CENPP: variants seen among roughly 807,000 people sequenced by gnomAD.
CENPP encodes the protein centromere protein P.
Under a neutral mutation model 35.6 loss-of-function variants are expected in CENPP, and 24 were observed. The ratio of observed to expected loss-of-function variants is 0.67; its 90% confidence interval spans 0.49 to 0.95. The LOEUF is 0.95. Ranked by LOEUF, CENPP falls within the 40% of genes least tolerant of loss-of-function variation. CENPP has a pLI of 0.00. For missense variants in CENPP, 332 were observed against 345.3 expected (o/e 0.96, Z 0.31); for synonymous variants, 120 against 125.5 (o/e 0.96, Z 0.29).
rs375622311 is a variant in CENPP at position 92,482,864 on chromosome 9, T to C, written c.564+103005T>C. Among the ~76,000 whole-genome samples the C allele has an allele frequency of 2.6e-5, 4 of 152,322 alleles. No individual in the cohort carries two copies. The East Asian group carries it at 5.8e-4, about 22-fold the overall frequency. ...ACCTGAGAAAGAACCATACTTTTTT[T>C]TTCTTCTAATGACTGTAGCTATTGC... On this transcript the variant is annotated intron_variant, in intron 5 of 7. Coordinates refer to ENST00000375587, the MANE Select transcript of CENPP (RefSeq NM_001012267.3).
intron 5 of CENPP, chr9:92,414,834 T>G (rs1843540821): frequency 4.1e-6 from 1 of 246,320 alleles, no homozygotes; most frequent in East Asian, 6.3e-5. Context: ...TTAGAAAAAT[T>G]ACTGTTAATA....
At chr9:92,462,111 G>A (rs1424337303) in intron 5 of CENPP, among the ~76,000 whole-genome samples, 1 of 152,102 alleles carries the variant, frequency 6.6e-6, no homozygotes, top group Non-Finnish European at 1.5e-5. Flanking sequence ...CCAAGTAGCT[G>A]GGACTACAGG....
chr9:92,439,977 C>CCCATGGACAA (rs1272638913), intron 5 of CENPP, among the ~76,000 whole-genome samples: 1 of 152,132 alleles, frequency 6.6e-6, no homozygotes, highest in African/African-American at 2.4e-5. Context: ...ATTTGAGTTA[C>CCCATGGACAA]CCATGGTCAA....
intron 5 of CENPP, among the ~76,000 whole-genome samples, chr9:92,535,715 A>AAATTCC (rs1849128636): frequency 6.6e-6 from 1 of 152,128 alleles, no homozygotes; most frequent in Admixed American, 6.5e-5. Flanking sequence ...ATTCCACCTA[A>AAATTCC]ACATATAAAA....
At chr9:92,405,479 A>T (rs1274077318) in intron 5 of CENPP, among the ~76,000 whole-genome samples, 5 of 152,202 alleles carry the variant, frequency 3.3e-5, no homozygotes, top group Non-Finnish European at 7.4e-5. Context: ...GCTTAAATAA[A>T]CTAAGACTTG....
Position 92,619,614 on chromosome 9 carries a change from C to A in CENPP, c.*6465C>A. 4 of 1,474,718 alleles carry A rather than the reference C, an allele frequency of 2.7e-6. No homozygotes were observed. The highest frequency in any genetic ancestry group is 2.4e-5 in the East Asian group (1 of 40,834). The allele number at this position is 1,474,718 out of a possible 1,614,324, so 91.4% of individuals were successfully genotyped here. A position where few individuals can be genotyped will look rare whatever the true frequency, so the allele number is the denominator to read the frequency against. ...TCCAGGTCACACAGGAAGCCTCTGC[C>A]CCCCCACACAACCTTCCTTCCCAGT... On this transcript the variant is annotated 3_prime_UTR_variant, in exon 8 of 8. Coordinates refer to ENST00000375587, the MANE Select transcript of CENPP (RefSeq NM_001012267.3).
intron 4 of CENPP, among the ~76,000 whole-genome samples, chr9:92,368,580 A>G (rs976027286): frequency 6.6e-6 from 1 of 151,990 alleles, no homozygotes; most frequent in Non-Finnish European, 1.5e-5. Context: ...CAATGAGTTC[A>G]TCGTCTGTTA....
At chr9:92,501,797 C>T (rs1846695337) in intron 5 of CENPP, among the ~76,000 whole-genome samples, 1 of 152,196 alleles carries the variant, frequency 6.6e-6, no homozygotes, top group African/African-American at 2.4e-5. Context: ...CACATAGTTC[C>T]AGGACACGCA....
intron 5 of CENPP, among the ~76,000 whole-genome samples, chr9:92,516,038 A>G (rs1051773682): frequency 2.6e-5 from 4 of 151,882 alleles, no homozygotes; most frequent in African/African-American, 9.7e-5. Flanking sequence ...AAACAGTTCT[A>G]GGAAGAACTG....
At chr9:92,405,781 A>T (rs566071514) in intron 5 of CENPP, among the ~76,000 whole-genome samples, 3 of 152,304 alleles carry the variant, frequency 2.0e-5, no homozygotes, top group African/African-American at 7.2e-5. Context: ...TACTACAGAA[A>T]ATTATTTTGT....
intron 4 of CENPP, among the ~76,000 whole-genome samples, chr9:92,373,770 G>A (rs1352102953): frequency 7.2e-5 from 11 of 152,168 alleles, no homozygotes; most frequent in Non-Finnish European, 1.5e-4. Context: ...AGGTTGCAGT[G>A]AGCCGAGATC....
rs1373255473 is a variant in CENPP, at chr9:92,619,682, G to A, written c.*6533G>A. 2 of 944,716 alleles carry A rather than the reference G, an allele frequency of 2.1e-6. No homozygotes were observed. Among genetic ancestry groups the A allele is most frequent in the Non-Finnish European group, 3.3e-6 (2 of 611,322 alleles). 58.5% of individuals were successfully genotyped at this position (944,716 alleles called of 1,614,324 possible). On this transcript the variant is annotated 3_prime_UTR_variant, in exon 8 of 8. Coordinates refer to ENST00000375587, the MANE Select transcript of CENPP (RefSeq NM_001012267.3). ...GCTTCCTGCCTCAGAACCTGAGGGT[G>A]GGATTAGGAGCGAGGGCCACGGTGA...
intron 2 of CENPP, among the ~76,000 whole-genome samples, chr9:92,334,195 A>G (rs1840847674): frequency 6.9e-6 from 1 of 145,354 alleles, no homozygotes; most frequent in Non-Finnish European, 1.5e-5. Context: ...ATCTCAGCTT[A>G]CTGCAGCCTC....
At chr9:92,496,253 G>A in intron 5 of CENPP, 1 of 1,510,600 alleles carries the variant, frequency 6.6e-7, no homozygotes, top group Non-Finnish European at 8.8e-7. Flanking sequence ...TCTTATTAAT[G>A]ACAAATGCAG....
intron 3 of CENPP, among the ~76,000 whole-genome samples, chr9:92,338,157 A>T (rs558070238): frequency 3.9e-5 from 6 of 152,100 alleles, no homozygotes; most frequent in African/African-American, 7.2e-5. Flanking sequence ...ACAAAAAAAT[A>T]AAAAATTAGC....
chr9:92,559,352 G>A (rs1457627442), intron 5 of CENPP, among the ~76,000 whole-genome samples: 10 of 152,078 alleles, frequency 6.6e-5, no homozygotes, highest in African/African-American at 9.7e-5. Context: ...ACTCAGCTCC[G>A]GGTAAAATCG....
At chr9:92,501,784 A>T (rs1846694243) in intron 5 of CENPP, among the ~76,000 whole-genome samples, 1 of 152,116 alleles carries the variant, frequency 6.6e-6, no homozygotes, top group Non-Finnish European at 1.5e-5. Context: ...TGTGCTACTT[A>T]GGCACATAGT....
At chr9:92,545,156 G>A (rs1849404889) in intron 5 of CENPP, among the ~76,000 whole-genome samples, 1 of 152,208 alleles carries the variant, frequency 6.6e-6, no homozygotes, top group South Asian at 2.1e-4. Flanking sequence ...TGCTTGAGGA[G>A]TCCTTCAGCC....
chr9:92,573,799 C>A (rs566219254), intron 5 of CENPP, among the ~76,000 whole-genome samples: 1 of 152,204 alleles, frequency 6.6e-6, no homozygotes, highest in African/African-American at 2.4e-5. Flanking sequence ...TCAGCAATGG[C>A]GGATGCCTGT....
Sources: allele counts gnomAD v4.1 joint callset (sites outside exome capture counted in the v4.1 genomes callset), GRCh38; gene constraint gnomAD v4.1.1; transcripts MANE v1.5; gene names NCBI Gene and HGNC (gene_info 2026-07-23, HGNC 2026-07-21).